The following CASK variants were observed in gnomAD, a reference collection of about 807,000 sequenced individuals.
The protein encoded by CASK is calcium/calmodulin dependent serine protein kinase.
Under a neutral mutation model 82.9 loss-of-function variants are expected in CASK, and 4 were observed. The ratio of observed to expected loss-of-function variants is 0.05; its 90% confidence interval spans 0.02 to 0.11. CASK has a LOEUF of 0.11. Ranked by LOEUF, CASK falls within the 10% of genes least tolerant of loss-of-function variation. CASK has a pLI of 1.00. For missense variants in CASK, 358 were observed against 720.9 expected (o/e 0.50, Z 5.76); for synonymous variants, 259 against 253.5 (o/e 1.02, Z -0.20).
chrX:41,827,387 C>T (rs2070690118), intron 2 of CASK, among the ~76,000 whole-genome samples: 1 of 111,654 alleles, frequency 9.0e-6, no homozygotes, highest in African/African-American at 3.3e-5. Flanking sequence ...GATCAAGGTA[C>T]CAGCAGATCT....
At chrX:41,690,108 A>G (rs2067515590) in intron 5 of CASK, among the ~76,000 whole-genome samples, 2 of 111,735 alleles carry the variant, frequency 1.8e-5, no homozygotes, top group Admixed American at 9.6e-5. Flanking sequence ...TATTGTGACC[A>G]CTTCAATATA....
At chrX:41,881,981 A>T (rs1268337102) in intron 1 of CASK, among the ~76,000 whole-genome samples, 1 of 111,291 alleles carries the variant, frequency 9.0e-6, no homozygotes, top group South Asian at 3.8e-4. Context: ...ATATCCATAA[A>T]GCGAAGATAA....
chrX:41,562,762 A>G (rs1222556639), intron 16 of CASK: 1 of 111,064 alleles, frequency 9.0e-6, no homozygotes, highest in African/African-American at 3.3e-5. Context: ...AAAGGCACAT[A>G]TTAGAAAAGA....
chrX:41,634,976 A>G (rs977391886), intron 9 of CASK, among the ~76,000 whole-genome samples: 8 of 111,853 alleles, frequency 7.2e-5, no homozygotes, highest in Non-Finnish European at 1.5e-4. Flanking sequence ...CAGTGAGAAG[A>G]AAGGCTAAAA....
At chrX:41,904,422 T>A (rs909977890) in intron 1 of CASK, among the ~76,000 whole-genome samples, 4 of 111,983 alleles carry the variant, frequency 3.6e-5, no homozygotes, top group Non-Finnish European at 5.6e-5. Flanking sequence ...AAAACAGATT[T>A]ACCACAGCAT....
In CASK at chrX:41,686,782, G is replaced by C. The variant is rs1174660469; in HGVS notation, c.430-15252C>G. Among the ~76,000 whole-genome samples, 3 of 111,816 alleles carry C rather than the reference G, an allele frequency of 2.7e-5. No homozygotes were observed. The East Asian group carries it at 8.4e-4, about 31-fold the overall frequency. On this transcript the variant is annotated intron_variant, in intron 5 of 26. Transcript: ENST00000378163. ...GTAGGTGGTGAGCTGAATTTAACCA[G>C]GGTTGGGATTTAAAGAGAACAGTGA...
chrX:41,836,945 A>C (rs1381281404), intron 2 of CASK, among the ~76,000 whole-genome samples: 1 of 112,297 alleles, frequency 8.9e-6, no homozygotes, highest in Non-Finnish European at 1.9e-5. Flanking sequence ...AATCTATTAA[A>C]TATTCATGTT....
intron 2 of CASK, among the ~76,000 whole-genome samples, chrX:41,792,973 G>A (rs1290172932): frequency 9.0e-6 from 1 of 111,284 alleles, no homozygotes; most frequent in Non-Finnish European, 1.9e-5. Flanking sequence ...TGTGAGTTCT[G>A]TAATTCTTAC....
chrX:41,606,885 G>A (rs1442129988), intron 12 of CASK, among the ~76,000 whole-genome samples: 1 of 109,857 alleles, frequency 9.1e-6, no homozygotes, highest in Non-Finnish European at 1.9e-5. Context: ...TAGAGATGGG[G>A]TCTTGCTTTG....
At chrX:41,879,002 C>T (rs1294551359) in intron 1 of CASK, among the ~76,000 whole-genome samples, 1 of 110,816 alleles carries the variant, frequency 9.0e-6, no homozygotes, top group Non-Finnish European at 1.9e-5. Context: ...AATGATCTTA[C>T]CTTATAGAAA....
At position 41,708,253 on chromosome X, in the gene CASK, C is replaced by T. The variant is rs761658479; in HGVS notation, c.429+31131G>A. On this transcript the variant is annotated intron_variant, in intron 5 of 26. Transcript: ENST00000378163. ...ATACTGTCTTCATTAGGTGAAAATACTTTAAATTACATTTATTAATAGACA... is the reference window on the plus strand; with the variant it reads ...ATACTGTCTTCATTAGGTGAAAATATTTTAAATTACATTTATTAATAGACA... Among the ~76,000 whole-genome samples the T allele has an allele frequency of 2.7e-5, 3 of 111,302 alleles. No individual in the cohort carries two copies. In the South Asian group the frequency reaches 1.1e-3, roughly 42 times the overall value.
At chrX:41,822,357 A>G (rs1460284091) in intron 2 of CASK, among the ~76,000 whole-genome samples, 1 of 109,822 alleles carries the variant, frequency 9.1e-6, no homozygotes, top group Non-Finnish European at 1.9e-5. Context: ...CAAGAGTTCA[A>G]GACCAGACTG....
intron 25 of CASK, among the ~76,000 whole-genome samples, chrX:41,526,716 A>C (rs1357189258): frequency 8.9e-6 from 1 of 111,794 alleles, no homozygotes; most frequent in Admixed American, 9.5e-5. Flanking sequence ...TTCAGAGCCA[A>C]ATTTAATGTT....
intron 5 of CASK, among the ~76,000 whole-genome samples, chrX:41,705,649 G>A (rs2067873425): frequency 8.9e-6 from 1 of 111,832 alleles, no homozygotes; most frequent in Admixed American, 9.5e-5. Context: ...ATTCTGAAGT[G>A]AGGACAAGGC....
chrX:41,713,679 T>C (rs1368380936), intron 5 of CASK, among the ~76,000 whole-genome samples: 2 of 110,931 alleles, frequency 1.8e-5, no homozygotes, highest in African/African-American at 6.6e-5. Context: ...CCCAGGAAGG[T>C]GGAAAGTCTA....
At chrX:41,861,288 G>A (rs1039351766) in intron 1 of CASK, among the ~76,000 whole-genome samples, 1 of 111,139 alleles carries the variant, frequency 9.0e-6, no homozygotes, top group South Asian at 3.8e-4. Context: ...GAGAAGGGCT[G>A]GGGTTAGAGC....
At chrX:41,648,319 T>G (rs1240655309) in intron 8 of CASK, among the ~76,000 whole-genome samples, 2 of 111,463 alleles carry the variant, frequency 1.8e-5, no homozygotes, top group East Asian at 5.6e-4. Flanking sequence ...AAACCCTGTC[T>G]CCTGATAAGA....
In CASK at chrX:41,737,975, A is replaced by G. The variant is rs148207339; in HGVS notation, c.429+1409T>C. Among the ~76,000 whole-genome samples, 528 of 113,055 alleles carry G rather than the reference A, an allele frequency of 4.7e-3. 4 individuals are homozygous for G. The highest frequency in any genetic ancestry group is 7.7e-3 in the Non-Finnish European group (410 of 53,339). On this transcript the variant is annotated intron_variant, in intron 5 of 26. Coordinates refer to ENST00000378163, the MANE Select transcript of CASK (RefSeq NM_001367721.1). ...CCACACTTTTATTTCTTTTTGGATA[A>G]CTGAAGAATACTTTTTTGAGACGGA...
intron 5 of CASK, among the ~76,000 whole-genome samples, chrX:41,677,139 T>A (rs1238656415): frequency 9.5e-6 from 1 of 105,341 alleles, no homozygotes; most frequent in East Asian, 3.0e-4. Context: ...AAACCCCATC[T>A]CTATTTTATA....
Sources: gnomAD v4.1 joint callset for allele counts (sites outside exome capture counted in the v4.1 genomes callset) on GRCh38, gnomAD v4.1.1 for gene constraint, MANE v1.5 for transcripts, NCBI Gene and HGNC (gene_info 2026-07-23, HGNC 2026-07-21) for gene names.